Variants in CSMD1 observed in about 807,000 individuals in gnomAD.
The protein encoded by CSMD1 is CUB and Sushi multiple domains 1.
A neutral mutation model predicts 417.5 loss-of-function variants in CSMD1; 213 were observed. The observed-to-expected ratio is 0.51, with a 90% CI of 0.46 to 0.57. The LOEUF (loss-of-function observed/expected upper bound fraction) is 0.57. CSMD1 is among the 20% of genes least tolerant of loss of function. CSMD1 has a pLI of 0.00. For synonymous variants in CSMD1, 2,862 were observed against 1,736.8 expected (o/e 1.65, Z -16.11); for missense variants, 6,923 against 4,529.7 (o/e 1.53, Z -15.17).
Position 4,164,015 on chromosome 8 carries a change from G to C in CSMD1, c.416-131916C>G, listed in dbSNP as rs554695664. ...ATAATCGTGAGGAGAAATTAAATAA[G>C]CAGAGTAAGCTGTTGGTACATGTGT... On this transcript the variant is annotated intron_variant, in intron 3 of 69. Transcript: ENST00000635120. Among the ~76,000 whole-genome samples the C allele has an allele frequency of 3.5e-4, 53 of 152,236 alleles. 1 individual carries two copies. Among genetic ancestry groups the C allele is most frequent in the Admixed American group, 5.9e-4 (9 of 15,282 alleles).
At chr8:4,187,356 T>C (rs781444217) in intron 3 of CSMD1, among the ~76,000 whole-genome samples, 3 of 152,058 alleles carry the variant, frequency 2.0e-5, no homozygotes, top group Non-Finnish European at 2.9e-5. Context: ...AAGCATTAAG[T>C]AGCATTTGGG....
At chr8:4,311,056 G>A (rs1178346349) in intron 3 of CSMD1, among the ~76,000 whole-genome samples, 1 of 152,188 alleles carries the variant, frequency 6.6e-6, no homozygotes, top group African/African-American at 2.4e-5. Flanking sequence ...TGGTGGGAGT[G>A]TAAATTAGTT....
At chr8:2,974,944 C>T (rs535026260) in intron 55 of CSMD1, among the ~76,000 whole-genome samples, 34 of 152,210 alleles carry the variant, frequency 2.2e-4, no homozygotes, top group African/African-American at 7.7e-4. Flanking sequence ...TAACTATATT[C>T]CAAATGAACA....
rs1325566546 is a variant in CSMD1, at chr8:3,929,119, G to C, written c.818+68784C>G. Among the ~76,000 whole-genome samples, 3 of 150,158 alleles carry C rather than the reference G, an allele frequency of 2.0e-5. 1 individual carries two copies. The highest frequency in any genetic ancestry group is 4.4e-5 in the Non-Finnish European group (3 of 67,480). Reference sequence around the variant, plus strand: ...TTGGAGTGAGGAGAGATGAAACTCTGCACATAAGCAAGATGCTTTCTACTG... The same window carrying C: ...TTGGAGTGAGGAGAGATGAAACTCTCCACATAAGCAAGATGCTTTCTACTG... On this transcript the variant is annotated intron_variant, in intron 5 of 69. Transcript: ENST00000635120.
intron 2 of CSMD1, among the ~76,000 whole-genome samples, chr8:4,622,307 T>G (rs1801828854): frequency 6.6e-6 from 1 of 151,918 alleles, no homozygotes; most frequent in South Asian, 2.1e-4. Flanking sequence ...GAGGGAGGAT[T>G]TAGTGGCCCA....
intron 5 of CSMD1, among the ~76,000 whole-genome samples, chr8:3,824,370 T>C (rs904796529): frequency 6.6e-6 from 1 of 152,116 alleles, no homozygotes; most frequent in East Asian, 1.9e-4. Flanking sequence ...ATGACGGCGA[T>C]TTCCCTCCCA....
At chr8:3,368,133 T>C (rs921023637) in intron 19 of CSMD1, among the ~76,000 whole-genome samples, 11 of 152,204 alleles carry the variant, frequency 7.2e-5, no homozygotes, top group African/African-American at 2.7e-4. Context: ...TTTATGATTA[T>C]AAAACTTTGA....
chr8:3,598,696 G>C (rs1354144433), intron 8 of CSMD1, among the ~76,000 whole-genome samples: 1 of 152,140 alleles, frequency 6.6e-6, no homozygotes, highest in Non-Finnish European at 1.5e-5. Flanking sequence ...GGTTGCCTTG[G>C]ATGCTAAAAA....
intron 26 of CSMD1, among the ~76,000 whole-genome samples, chr8:3,281,492 A>T (rs934175734): frequency 6.6e-6 from 1 of 152,132 alleles, no homozygotes; most frequent in Non-Finnish European, 1.5e-5. Context: ...TCAATAGAAT[A>T]TTATTCGCTG....
At chr8:3,909,440 G>C (rs1297345726) in intron 5 of CSMD1, among the ~76,000 whole-genome samples, 1 of 152,094 alleles carries the variant, frequency 6.6e-6, no homozygotes, top group African/African-American at 2.4e-5. Flanking sequence ...CGCAGAAAAA[G>C]GCAGAACACA....
At chr8:3,919,849 C>T (rs908596876) in intron 5 of CSMD1, among the ~76,000 whole-genome samples, 2 of 151,938 alleles carry the variant, frequency 1.3e-5, no homozygotes, top group Non-Finnish European at 2.9e-5. Context: ...CATTCACCTC[C>T]TTGGTTATTT....
chr8:3,731,249 G>A (rs1796235185), intron 6 of CSMD1, among the ~76,000 whole-genome samples: 3 of 152,070 alleles, frequency 2.0e-5, no homozygotes, highest in South Asian at 4.1e-4. Context: ...AAACAATGAC[G>A]TGCATTCTAC....
intron 23 of CSMD1, among the ~76,000 whole-genome samples, chr8:3,329,857 A>G (rs942827716): frequency 4.6e-5 from 7 of 152,206 alleles, no homozygotes; most frequent in Admixed American, 4.6e-4. Context: ...CACAGTGCCT[A>G]TGGCCCACAG....
chr8:2,999,877 G>C, intron 53 of CSMD1, 81 bp downstream of exon 53: 1 of 1,246,656 alleles, frequency 8.0e-7, no homozygotes. Context: ...AGATTAAACA[G>C]GTGTATATTG....
intron 5 of CSMD1, among the ~76,000 whole-genome samples, chr8:3,898,970 G>A (rs1327533628): frequency 6.6e-6 from 1 of 152,002 alleles, no homozygotes; most frequent in South Asian, 2.1e-4. Context: ...AAAACAAATG[G>A]GACCATACAG....
intron 5 of CSMD1, among the ~76,000 whole-genome samples, chr8:3,883,549 A>C (rs1806352628): frequency 6.6e-6 from 1 of 152,156 alleles, no homozygotes; most frequent in Admixed American, 6.5e-5. Context: ...TTAATAACTA[A>C]AGCAGTGAAC....
chr8:4,299,713 C>A (rs1394062706), intron 3 of CSMD1, among the ~76,000 whole-genome samples: 1 of 152,050 alleles, frequency 6.6e-6, no homozygotes, highest in Non-Finnish European at 1.5e-5. Context: ...TCACTGCAAC[C>A]CCTGACTCCC....
At chr8:3,456,017 C>T (rs567340363) in intron 12 of CSMD1, among the ~76,000 whole-genome samples, 2 of 152,238 alleles carry the variant, frequency 1.3e-5, no homozygotes, top group African/African-American at 2.4e-5. Flanking sequence ...ATGGTGGGTG[C>T]CCCTCCCCCA....
At chr8:3,656,290 A>T (rs1045468836) in intron 7 of CSMD1, among the ~76,000 whole-genome samples, 1 of 152,142 alleles carries the variant, frequency 6.6e-6, no homozygotes, top group South Asian at 2.1e-4. Flanking sequence ...TCAACACAGA[A>T]ATACTCTCTC....
Sources: allele counts gnomAD v4.1 joint callset (sites outside exome capture counted in the v4.1 genomes callset), GRCh38; gene constraint gnomAD v4.1.1; transcripts MANE v1.5; gene names NCBI Gene and HGNC (gene_info 2026-07-23, HGNC 2026-07-21).